Variants in LINGO2 observed in about 807,000 individuals in gnomAD.
The protein encoded by LINGO2 is leucine rich repeat and Ig domain containing 2.
LINGO2 carries 14 observed loss-of-function variants against 30.6 expected under a neutral mutation model. That is an observed-to-expected ratio of 0.46 (90% CI 0.30 to 0.72). The LOEUF is 0.72. LINGO2 is among the 30% of genes least tolerant of loss of function. The probability of loss-of-function intolerance (pLI) is 0.07; values close to 1 mark genes in which losing one functional copy is unlikely to be tolerated. For synonymous variants in LINGO2, 317 were observed against 288.5 expected, an observed-to-expected ratio of 1.10 and a Z score of -1.00; for missense variants, 729 against 751.7, an observed-to-expected ratio of 0.97 and a Z score of 0.35.
chr9:29,081,029 C>T, the LINGO2 span, among the ~76,000 whole-genome samples: 1 of 152,036 alleles, frequency 6.6e-6, no homozygotes, highest in African/African-American at 2.4e-5. Flanking sequence ...CCTTCTGAAA[C>T]TATTCCAATC....
chr9:28,382,386 A>G (rs1215588123), intron 2 of LINGO2, among the ~76,000 whole-genome samples: 1 of 152,186 alleles, frequency 6.6e-6, no homozygotes, highest in Non-Finnish European at 1.5e-5. Context: ...AAATAATCAC[A>G]TTGATAAACT....
At chr9:28,986,973 C>CT in the LINGO2 span, among the ~76,000 whole-genome samples, 1 of 148,184 alleles carries the variant, frequency 6.7e-6, no homozygotes, top group Admixed American at 6.7e-5. Flanking sequence ...CTCTTGATTT[C>CT]TTTTTTAGAT....
chr9:28,352,213 C>T (rs1819930022), intron 3 of LINGO2, among the ~76,000 whole-genome samples: 1 of 151,994 alleles, frequency 6.6e-6, no homozygotes, highest in South Asian at 2.1e-4. Context: ...GTCAAATTGT[C>T]CCTGTTTGCA....
chr9:28,212,810 G>A (rs966213292), intron 4 of LINGO2, among the ~76,000 whole-genome samples: 8 of 151,324 alleles, frequency 5.3e-5, no homozygotes, highest in Non-Finnish European at 1.0e-4. Context: ...ACAGACATAG[G>A]ACAGTTCCAT....
rs575527434 is a variant in LINGO2 at position 28,191,426 on chromosome 9, T to G, written c.-87+103782A>C. Among the ~76,000 whole-genome samples, 18 of 152,282 alleles carry G rather than the reference T, an allele frequency of 1.2e-4. No individual in the cohort carries two copies. In the South Asian group the frequency reaches 3.3e-3, roughly 28 times the overall value. ...TATTCCTGCTGCCTGTGATTTCATT[T>G]TCTAACCAGCATCTCACACAATCAA... is the stretch of plus-strand genomic sequence containing the variant. On this transcript the variant is annotated intron_variant, in intron 4 of 5. Coordinates refer to ENST00000379992, the Ensembl canonical transcript of LINGO2.
chr9:28,791,025 A>G, the LINGO2 span, among the ~76,000 whole-genome samples: 1 of 152,192 alleles, frequency 6.6e-6, no homozygotes, highest in African/African-American at 2.4e-5. Flanking sequence ...TTTTTAAAAC[A>G]TTATTTGAGA....
At chr9:27,995,002 C>T (rs1166553182) in intron 5 of LINGO2, among the ~76,000 whole-genome samples, 2 of 152,086 alleles carry the variant, frequency 1.3e-5, no homozygotes, top group African/African-American at 4.8e-5. Context: ...CTCTAAGTAA[C>T]ACTAATAACC....
rs538287346 is a variant in LINGO2 at position 28,062,532 on chromosome 9, A to T, written c.-86-50127T>A. Among the ~76,000 whole-genome samples the T allele has an allele frequency of 6.2e-5, 9 of 145,732 alleles. No individual in the cohort carries two copies. The East Asian group carries it at 1.6e-3, about 26-fold the overall frequency. On this transcript the variant is annotated intron_variant, in intron 4 of 5. Transcript: ENST00000379992. ...TATATACTATATTGTATATACATATACATATATACTATATATTGTATATAC... is the reference window on the plus strand; with the variant it reads ...TATATACTATATTGTATATACATATTCATATATACTATATATTGTATATAC...
intron 4 of LINGO2, among the ~76,000 whole-genome samples, chr9:28,201,804 C>A (rs554393196): frequency 6.6e-6 from 1 of 151,974 alleles, no homozygotes; most frequent in African/African-American, 2.4e-5. Context: ...CCTGCTCTTT[C>A]TCCTCCCCTT....
At chr9:29,092,420 A>G in the LINGO2 span, among the ~76,000 whole-genome samples, 8 of 152,068 alleles carry the variant, frequency 5.3e-5, no homozygotes, top group Non-Finnish European at 1.5e-5. Flanking sequence ...TTGTAGACAT[A>G]AACCAATTAT....
chr9:28,219,128 C>A (rs1820871196), intron 4 of LINGO2, among the ~76,000 whole-genome samples: 2 of 152,162 alleles, frequency 1.3e-5, no homozygotes, highest in African/African-American at 4.8e-5. Context: ...GAATATCATT[C>A]CTTAGTGGCC....
chr9:28,167,443 C>G (rs1291453573), intron 4 of LINGO2, among the ~76,000 whole-genome samples: 1 of 152,178 alleles, frequency 6.6e-6, no homozygotes, highest in African/African-American at 2.4e-5. Context: ...TGCAGTGGCA[C>G]GATCACAGAT....
the LINGO2 span, among the ~76,000 whole-genome samples, chr9:29,190,668 A>G: frequency 6.6e-6 from 1 of 152,168 alleles, no homozygotes; most frequent in African/African-American, 2.4e-5. Flanking sequence ...ACAAATATCA[A>G]TGGAAAGCAA....
intron 4 of LINGO2, among the ~76,000 whole-genome samples, chr9:28,235,901 T>G (rs1821546195): frequency 6.6e-6 from 1 of 151,960 alleles, no homozygotes; most frequent in South Asian, 2.1e-4. Flanking sequence ...GAGATAGAGG[T>G]AGAGAGTTTA....
At chr9:28,298,401 C>T (rs1053711783) in intron 3 of LINGO2, among the ~76,000 whole-genome samples, 100 of 151,302 alleles carry the variant, frequency 6.6e-4, no homozygotes, top group African/African-American at 2.4e-3. Flanking sequence ...CGCAGTGGCT[C>T]ACACCTGTAA....
At chr9:28,550,617 T>G (rs1488002824) in intron 1 of LINGO2, among the ~76,000 whole-genome samples, 1 of 151,872 alleles carries the variant, frequency 6.6e-6, no homozygotes, top group Non-Finnish European at 1.5e-5. Flanking sequence ...GTAATTTGTT[T>G]CTTCTTGGGC....
At chr9:28,516,343 G>T (rs1272176595) in intron 1 of LINGO2, among the ~76,000 whole-genome samples, 1 of 152,164 alleles carries the variant, frequency 6.6e-6, no homozygotes, top group Non-Finnish European at 1.5e-5. Flanking sequence ...TCTTTACAGA[G>T]AGGACAATAA....
intron 1 of LINGO2, among the ~76,000 whole-genome samples, chr9:28,641,359 T>C (rs774673569): frequency 1.1e-4 from 17 of 152,044 alleles, no homozygotes; most frequent in Admixed American, 4.6e-4. Context: ...AGAAGTATCC[T>C]CCGACAGTTT....
chr9:27,966,083 A>C (rs1255896985), intron 5 of LINGO2, among the ~76,000 whole-genome samples: 1 of 152,048 alleles, frequency 6.6e-6, no homozygotes, highest in African/African-American at 2.4e-5. Context: ...TATTATTATC[A>C]CTATTTAGGC....
Sources: allele counts gnomAD v4.1 joint callset (sites outside exome capture counted in the v4.1 genomes callset), GRCh38; gene constraint gnomAD v4.1.1; transcripts MANE v1.5; gene names NCBI Gene and HGNC (gene_info 2026-07-23, HGNC 2026-07-21).